SNRNP40: variants seen among roughly 807,000 people sequenced by gnomAD.
SNRNP40 encodes U5 small nuclear ribonucleoprotein 40 kDa protein.
In SNRNP40, 21 loss-of-function variants were observed where a neutral mutation model predicts 45.8. The observed-to-expected ratio is 0.46, with a 90% CI of 0.32 to 0.66. The LOEUF (loss-of-function observed/expected upper bound fraction) is 0.66. SNRNP40 is among the 30% of genes least tolerant of loss of function. The pLI is 0.03. For synonymous variants in SNRNP40, 142 were observed against 163.8 expected, an observed-to-expected ratio of 0.87 and a Z score of 1.01; for missense variants, 344 against 439.1, an observed-to-expected ratio of 0.78 and a Z score of 1.94.
At chr1:31,270,532 G>C (rs1645930159) in intron 6 of SNRNP40, among the ~76,000 whole-genome samples, 2 of 152,324 alleles carry the variant, frequency 1.3e-5, no homozygotes, top group South Asian at 4.1e-4. Flanking sequence ...TATACCTATA[G>C]TGGAATTTCA....
chr1:31,278,642 A>G lies in SNRNP40; in HGVS notation c.654+2732T>C, dbSNP rs181573659. On this transcript the variant is annotated intron_variant, in intron 5 of 9. Coordinates refer to ENST00000263694, the MANE Select transcript of SNRNP40 (RefSeq NM_004814.3). ...TCCATGTTCTGATTCTTCATTCTCC[A>G]AGTATTTATATGATGGAAAAGGGAT... Among the ~76,000 whole-genome samples the G allele has an allele frequency of 1.5e-3, 226 of 152,284 alleles. 1 individual carries two copies. Among genetic ancestry groups the G allele is most frequent in the African/African-American group, 4.5e-3 (186 of 41,550 alleles).
intron 7 of SNRNP40, among the ~76,000 whole-genome samples, 181 bp downstream of exon 7, chr1:31,268,977 C>T (rs898790530): frequency 1.3e-5 from 2 of 152,194 alleles, no homozygotes; most frequent in African/African-American, 2.4e-5. Flanking sequence ...ATATGACTGG[C>T]TTCTCCCCAG....
intron 7 of SNRNP40, among the ~76,000 whole-genome samples, chr1:31,268,940 G>C (rs1645918351): frequency 2.0e-5 from 3 of 152,186 alleles, no homozygotes; most frequent in Admixed American, 1.3e-4. Flanking sequence ...CCCTCAGTTT[G>C]AGGGCTGGCT....
rs540301683 is a variant in SNRNP40, at chr1:31,279,584, C to T, written c.654+1790G>A. 2.6e-5 allele frequency among the ~76,000 whole-genome samples: 4 copies of T among 151,704 alleles called. No homozygotes were observed. The South Asian group carries it at 8.3e-4, about 32-fold the overall frequency. ...CCAACACAGAGAAACCCTGTCTCTA[C>T]CAAAAATACAAAATTAGCCAGGCAT... On this transcript the variant is annotated intron_variant, in intron 5 of 9. Transcript: ENST00000263694.
chr1:31,271,643 C>G (rs753731591), intron 5 of SNRNP40, 144 bp from the exon 6 acceptor site: 124 of 787,298 alleles, frequency 1.6e-4, no homozygotes, highest in Non-Finnish European at 2.2e-4. Context: ...AGAAAAACAC[C>G]TTTTTTTAAT....
intron 4 of SNRNP40, among the ~76,000 whole-genome samples, chr1:31,285,466 C>T (rs9803648): frequency 0.023 from 3,458 of 151,988 alleles, 121 homozygotes; most frequent in African/African-American, 0.078. Flanking sequence ...TTCAAACTCC[C>T]GACCTCAAGT....
chr1:31,288,666 C>CCTTT (rs10623063), intron 4 of SNRNP40, among the ~76,000 whole-genome samples: 61,204 of 104,918 alleles, frequency 0.58, 13,455 homozygotes, highest in East Asian at 0.75. Flanking sequence ...CTCAGAACAG[C>CCTTT]CTTTTTTTTT....
At chr1:31,291,787 G>A (rs761554522) in intron 3 of SNRNP40, 126 bp downstream of exon 3, 30 of 643,262 alleles carry the variant, frequency 4.7e-5, no homozygotes, top group Admixed American at 1.8e-4. Context: ...GTGATAAATC[G>A]GATACTAAAG....
intron 6 of SNRNP40, among the ~76,000 whole-genome samples, chr1:31,270,621 C>T (rs1194635674): frequency 2.6e-5 from 4 of 152,042 alleles, no homozygotes; most frequent in South Asian, 2.1e-4. Context: ...CAAAGCTATG[C>T]GTGAAAGTTT....
rs1345915657 is a variant in SNRNP40, at chr1:31,259,606, T to A, written c.*466A>T. The A allele has an allele frequency of 2.7e-6, 1 of 368,204 alleles. No homozygotes were observed. Among genetic ancestry groups the A allele is most frequent in the African/African-American group, 2.1e-5 (1 of 46,762 alleles). The allele number at this position is 368,204 out of a possible 1,614,324, so 22.8% of individuals were successfully genotyped here. ...TGAATTGTATTCTGTGGCCACATCA[T>A]GCTCTATTCTGATTTATAGCAATCA... is the stretch of plus-strand genomic sequence containing the variant. On this transcript the variant is annotated 3_prime_UTR_variant, in exon 10 of 10. Coordinates refer to ENST00000263694, the MANE Select transcript of SNRNP40 (RefSeq NM_004814.3).
chr1:31,293,970 G>A (rs909514044), intron 1 of SNRNP40, among the ~76,000 whole-genome samples: 2 of 151,772 alleles, frequency 1.3e-5, no homozygotes, highest in Admixed American at 1.3e-4. Flanking sequence ...TTTTTTTTGT[G>A]TGTTTTGAGA....
At chr1:31,288,155 C>T (rs1010292601) in intron 4 of SNRNP40, among the ~76,000 whole-genome samples, 16 of 149,598 alleles carry the variant, frequency 1.1e-4, no homozygotes, top group African/African-American at 3.5e-4. Context: ...AGAGCAAGAC[C>T]CTGTCTCAAA....
intron 4 of SNRNP40, among the ~76,000 whole-genome samples, chr1:31,288,289 G>A (rs1569669657): frequency 6.6e-6 from 1 of 152,258 alleles, no homozygotes; most frequent in African/African-American, 2.4e-5. Flanking sequence ...ATAAACCAGA[G>A]CCCAAAATTC....
rs1645936519 is a variant in SNRNP40 at position 31,271,323 on chromosome 1, G to C, written c.775+56C>G. The C allele has an allele frequency of 3.2e-6, 5 of 1,562,840 alleles. No individual in the cohort carries two copies. The Admixed American group carries it at 9.2e-5, about 29-fold the overall frequency. On this transcript the variant is annotated intron_variant, in intron 6 of 9. Transcript: ENST00000263694. ...ATTCTAATCGTCTGATGGAATCTGT[G>C]AGCAATCTTTGACTTTTTCCTTGGA...
At chr1:31,288,073 G>C (rs1283716659) in intron 4 of SNRNP40, among the ~76,000 whole-genome samples, 2 of 151,966 alleles carry the variant, frequency 1.3e-5, no homozygotes, top group African/African-American at 2.4e-5. Flanking sequence ...TGAGGCTGGG[G>C]AATCACTTGA....
At chr1:31,268,445 G>T (rs1645914716) in intron 7 of SNRNP40, among the ~76,000 whole-genome samples, 2 of 152,080 alleles carry the variant, frequency 1.3e-5, no homozygotes, top group East Asian at 3.9e-4. Flanking sequence ...ACCACACCCA[G>T]ATTTTTTATC....
chr1:31,265,910 T>C (rs1645892764), intron 8 of SNRNP40, among the ~76,000 whole-genome samples: 1 of 152,200 alleles, frequency 6.6e-6, no homozygotes, highest in Admixed American at 6.5e-5. Context: ...ATACTTAGGA[T>C]AGTTCTTACT....
chr1:31,265,272 A>C (rs1165367998), intron 8 of SNRNP40, among the ~76,000 whole-genome samples: 1 of 152,006 alleles, frequency 6.6e-6, no homozygotes, highest in Non-Finnish European at 1.5e-5. Flanking sequence ...CTACAGGTGC[A>C]CACTACTATG....
chr1:31,271,261 T>C, intron 6 of SNRNP40, 118 bp downstream of exon 6: 2 of 1,040,626 alleles, frequency 1.9e-6, no homozygotes, highest in Admixed American at 4.7e-5. Flanking sequence ...TCCTAGATTC[T>C]TGACTATCTC....
Sources: allele counts gnomAD v4.1 joint callset (sites outside exome capture counted in the v4.1 genomes callset), GRCh38; gene constraint gnomAD v4.1.1; transcripts MANE v1.5; gene names NCBI Gene and HGNC (gene_info 2026-07-23, HGNC 2026-07-21).